The following PCNX2 variants were observed in gnomAD, a reference collection of about 807,000 sequenced individuals.
PCNX2 encodes the protein pecanex-like protein 2.
Under a neutral mutation model 223.8 loss-of-function variants are expected in PCNX2, and 168 were observed. That is an observed-to-expected ratio of 0.75 (90% confidence interval 0.66 to 0.85). PCNX2 has a LOEUF of 0.85. Ranked by LOEUF, PCNX2 falls within the 40% of genes least tolerant of loss-of-function variation. The pLI, the probability that PCNX2 is intolerant of heterozygous loss-of-function variation, is 0.00. For synonymous variants in PCNX2, 1,006 were observed against 1,052.6 expected (o/e 0.96, Z 0.86); for missense variants, 2,507 against 2,675.5 (o/e 0.94, Z 1.39).
chr1:233,233,059 A>T, intron 9 of PCNX2: 1 of 979,848 alleles, frequency 1.0e-6, no homozygotes, highest in Non-Finnish European at 1.2e-6. Context: ...GCCCTTGGGT[A>T]GACTGCACCT....
Position 233,170,402 on chromosome 1 carries a change from G to A in PCNX2, c.3273+7400C>T, listed in dbSNP as rs138861540. Among the ~76,000 whole-genome samples the A allele has an allele frequency of 1.4e-3, 209 of 152,172 alleles. 1 individual carries two copies. The highest frequency in any genetic ancestry group is 0.014 in the Middle Eastern group (4 of 294). ...TTGGAGTTTTCTGATGATTAATGAG[G>A]TTGCCCATATATTCATGGTTTTTGG... On this transcript the variant is annotated intron_variant, in intron 17 of 33. Coordinates refer to ENST00000258229, the MANE Select transcript of PCNX2 (RefSeq NM_014801.4).
intron 9 of PCNX2, among the ~76,000 whole-genome samples, chr1:233,235,234 C>T (rs940549696): frequency 1.3e-5 from 2 of 152,142 alleles, no homozygotes; most frequent in Non-Finnish European, 2.9e-5. Context: ...ATAAATTAAA[C>T]ACTTGTTCAC....
At chr1:233,058,054 C>T (rs6695322) in intron 23 of PCNX2, 177,282 of 983,904 alleles carry the variant, frequency 0.18, 18,889 homozygotes, top group African/African-American at 0.47. Context: ...AGAATGAAAG[C>T]TCTCGGATCA....
chr1:233,193,512 A>G (rs1481778217), intron 15 of PCNX2, among the ~76,000 whole-genome samples: 1 of 152,200 alleles, frequency 6.6e-6, no homozygotes, highest in Non-Finnish European at 1.5e-5. Flanking sequence ...AATTCAACAA[A>G]GAAATTTTAG....
intron 25 of PCNX2, among the ~76,000 whole-genome samples, chr1:233,040,005 C>T (rs923016505): frequency 1.5e-4 from 23 of 152,030 alleles, no homozygotes; most frequent in African/African-American, 5.3e-4. Flanking sequence ...ATACAAATGC[C>T]GTATCACGTA....
chr1:233,118,204 T>G (rs1434912774), intron 21 of PCNX2, among the ~76,000 whole-genome samples: 1 of 151,972 alleles, frequency 6.6e-6, no homozygotes, highest in African/African-American at 2.4e-5. Flanking sequence ...GTAAAAATGC[T>G]TAGAAAAATA....
At chr1:232,993,166 A>G (rs1484186281) in intron 32 of PCNX2, among the ~76,000 whole-genome samples, 2 of 152,214 alleles carry the variant, frequency 1.3e-5, no homozygotes, top group Admixed American at 1.3e-4. Flanking sequence ...CAGATGAGTG[A>G]AAGTTTGGAA....
intron 1 of PCNX2, among the ~76,000 whole-genome samples, chr1:233,271,106 C>A (rs1660617890): frequency 6.6e-6 from 1 of 152,048 alleles, no homozygotes; most frequent in Non-Finnish European, 1.5e-5. Context: ...TTAATGTACA[C>A]TGAGATAAAC....
upstream of PCNX2, chr1:233,295,742 G>GTGCTCAGAGGCGGC (rs1179352782): frequency 4.8e-5 from 17 of 350,960 alleles, no homozygotes; most frequent in African/African-American, 8.9e-5. The surrounding 1 kb of genome is among the most constrained non-coding windows in gnomAD (Gnocchi z 4.1). Context: ...TTTTCCCATC[G>GTGCTCAGAGGCGGC]TGCTCAGAGG....
At chr1:233,244,925 C>G (rs942668159) in intron 8 of PCNX2, among the ~76,000 whole-genome samples, 1 of 152,304 alleles carries the variant, frequency 6.6e-6, no homozygotes, top group African/African-American at 2.4e-5. Flanking sequence ...CTCCAACCGT[C>G]CCACCAAAGA....
At chr1:233,194,253 G>C (rs1454739368) in intron 15 of PCNX2, among the ~76,000 whole-genome samples, 1 of 152,078 alleles carries the variant, frequency 6.6e-6, no homozygotes, top group African/African-American at 2.4e-5. Flanking sequence ...CATGTTGAAA[G>C]TACCAGGGGA....
intron 31 of PCNX2, 24 bp downstream of exon 31, chr1:232,999,081 G>A (rs1669976959): frequency 1.3e-6 from 2 of 1,580,326 alleles, no homozygotes; most frequent in African/African-American, 2.7e-5. Flanking sequence ...CATCTGGACA[G>A]AGGCATTTGT....
chr1:233,116,903 T>C (rs1415997219), intron 21 of PCNX2, among the ~76,000 whole-genome samples: 2 of 151,922 alleles, frequency 1.3e-5, no homozygotes, highest in African/African-American at 4.8e-5. Flanking sequence ...CTAGAAAGAC[T>C]GACAAAGAAA....
At chr1:233,230,296 T>C (rs1657987284) in intron 9 of PCNX2, among the ~76,000 whole-genome samples, 1 of 152,196 alleles carries the variant, frequency 6.6e-6, no homozygotes, top group South Asian at 2.1e-4. Context: ...GGGCATTCCC[T>C]GGAGTGCATC....
intron 19 of PCNX2, among the ~76,000 whole-genome samples, chr1:233,142,934 T>C (rs1347309270): frequency 6.6e-6 from 1 of 152,198 alleles, no homozygotes; most frequent in African/African-American, 2.4e-5. Context: ...CCCCTATCCC[T>C]GGTCATCTGC....
At chr1:233,071,280 C>T (rs1053302723) in intron 23 of PCNX2, among the ~76,000 whole-genome samples, 1 of 152,032 alleles carries the variant, frequency 6.6e-6, no homozygotes, top group African/African-American at 2.4e-5. Context: ...AAGCCTAGTA[C>T]CCATTAGCTA....
intron 25 of PCNX2, among the ~76,000 whole-genome samples, chr1:233,051,171 A>AAAAACAC (rs1671991420): frequency 1.3e-5 from 2 of 152,168 alleles, no homozygotes; most frequent in African/African-American, 4.8e-5. Context: ...AAAGTAAACA[A>AAAAACAC]AAAACACAAA....
chr1:233,232,243 T>C (rs569618338), intron 9 of PCNX2, among the ~76,000 whole-genome samples: 2 of 152,204 alleles, frequency 1.3e-5, no homozygotes, highest in African/African-American at 2.4e-5. Context: ...TACAATACTA[T>C]GAAAGTGATA....
rs1188868998 is a variant in PCNX2, at chr1:233,289,148, G to T, written c.153+6178C>A. The T allele has an allele frequency of 3.5e-6, 3 of 857,476 alleles. 1 individual carries two copies. The highest frequency in any genetic ancestry group is 6.1e-6 in the Non-Finnish European group (3 of 489,604). 53.1% of individuals were successfully genotyped at this position (857,476 alleles called of 1,614,324 possible). On this transcript the variant is annotated intron_variant, in intron 1 of 33. Coordinates refer to ENST00000258229, the MANE Select transcript of PCNX2 (RefSeq NM_014801.4). ...AGCTTTTCCAAGTTGGCTTAGGCAG[G>T]ATTCTCCTTTAAGCGATAAAGACAA...
Sources: allele counts gnomAD v4.1 joint callset (sites outside exome capture counted in the v4.1 genomes callset), GRCh38; gene constraint gnomAD v4.1.1; non-coding constraint Gnocchi (gnomAD v3.1); transcripts MANE v1.5; gene names NCBI Gene and HGNC (gene_info 2026-07-23, HGNC 2026-07-21).